SHQ1: variants seen among roughly 807,000 people sequenced by gnomAD.
The protein encoded by SHQ1 is SHQ1, H/ACA ribonucleoprotein assembly factor.
In SHQ1, 49 loss-of-function variants were observed where a neutral mutation model predicts 53.8. The observed-to-expected ratio is 0.91, with a 90% CI of 0.72 to 1.16. The LOEUF (loss-of-function observed/expected upper bound fraction) is 1.16, where lower values mean the gene tolerates loss of function less well. Ranked by LOEUF, SHQ1 falls within the 50% of genes most tolerant of loss-of-function variation. The pLI is 0.00. For synonymous variants in SHQ1, 243 were observed against 251.0 expected (o/e 0.97, Z 0.30); for missense variants, 738 against 683.1 (o/e 1.08, Z -0.90).
intron 10 of SHQ1, among the ~76,000 whole-genome samples, chr3:72,778,153 A>G (rs896461782): frequency 6.6e-6 from 1 of 152,168 alleles, no homozygotes; most frequent in Non-Finnish European, 1.5e-5. Flanking sequence ...GTGATATTCT[A>G]TTTCTTAAGA....
At position 72,822,333 on chromosome 3, in the gene SHQ1, C is replaced by T. The variant is rs1707501459; in HGVS notation, c.727+2091G>A. Among the ~76,000 whole-genome samples, 3 of 152,130 alleles carry T rather than the reference C, an allele frequency of 2.0e-5. 1 individual carries two copies. Among genetic ancestry groups the T allele is most frequent in the South Asian group, 4.1e-4 (2 of 4,832 alleles). ...TTGCAGACTATGACTGTTCCTGATGCACCAGCCTGGCTATCAGTCATGGGT... is the reference window on the plus strand; with the variant it reads ...TTGCAGACTATGACTGTTCCTGATGTACCAGCCTGGCTATCAGTCATGGGT... On this transcript the variant is annotated intron_variant, in intron 6 of 10. Transcript: ENST00000325599.
intron 10 of SHQ1, among the ~76,000 whole-genome samples, chr3:72,783,759 G>C (rs967596745): frequency 3.3e-5 from 5 of 152,106 alleles, no homozygotes; most frequent in Non-Finnish European, 5.9e-5. Context: ...GATTCATGAT[G>C]ATTAGAATGT....
At chr3:72,769,128 G>A (rs1460505867) in intron 10 of SHQ1, among the ~76,000 whole-genome samples, 1 of 152,214 alleles carries the variant, frequency 6.6e-6, no homozygotes, top group African/African-American at 2.4e-5. Context: ...AACAGATGGA[G>A]TCTAGCAGGC....
At chr3:72,769,325 C>A (rs187465238) in intron 10 of SHQ1, among the ~76,000 whole-genome samples, 51 of 152,306 alleles carry the variant, frequency 3.3e-4, no homozygotes, top group African/African-American at 1.2e-3. Context: ...TGTTGACAAC[C>A]AATTTAAAGT....
intron 5 of SHQ1, among the ~76,000 whole-genome samples, chr3:72,826,433 G>A (rs542437364): frequency 6.6e-6 from 1 of 152,270 alleles, no homozygotes; most frequent in Admixed American, 6.5e-5. Context: ...ACAATAAATG[G>A]CTAAAATGCT....
At chr3:72,762,104 C>T (rs1705623307) in intron 10 of SHQ1, among the ~76,000 whole-genome samples, 1 of 152,162 alleles carries the variant, frequency 6.6e-6, no homozygotes, top group Non-Finnish European at 1.5e-5. Context: ...CATGTGCACA[C>T]ACATGCCTAT....
At chr3:72,828,727 G>C (rs941388643) in intron 5 of SHQ1, among the ~76,000 whole-genome samples, 9 of 152,102 alleles carry the variant, frequency 5.9e-5, no homozygotes, top group African/African-American at 2.2e-4. Flanking sequence ...GTGTGGTATA[G>C]GTGGGGAAAT....
intron 2 of SHQ1, among the ~76,000 whole-genome samples, 184 bp downstream of exon 2, chr3:72,844,175 A>C (rs1416230857): frequency 6.6e-6 from 1 of 152,188 alleles, no homozygotes; most frequent in African/African-American, 2.4e-5. Flanking sequence ...AAATACTTTA[A>C]AAGACTTGTG....
intron 10 of SHQ1, chr3:72,773,320 A>C (rs1233005208): frequency 1.0e-5 from 6 of 601,320 alleles, no homozygotes; most frequent in Admixed American, 4.2e-5. Flanking sequence ...CTCCAAAGAC[A>C]AGAAGGAAAA....
chr3:72,809,005 C>T (rs1321032730), intron 9 of SHQ1, among the ~76,000 whole-genome samples: 1 of 152,112 alleles, frequency 6.6e-6, no homozygotes, highest in Non-Finnish European at 1.5e-5. Flanking sequence ...AGGTGCTTTT[C>T]TGTTACCTTA....
At chr3:72,826,733 G>T (rs1340365532) in intron 5 of SHQ1, among the ~76,000 whole-genome samples, 1 of 152,178 alleles carries the variant, frequency 6.6e-6, no homozygotes, top group Non-Finnish European at 1.5e-5. Flanking sequence ...AAGGGGGTGG[G>T]ACAGAGTATT....
intron 10 of SHQ1, among the ~76,000 whole-genome samples, chr3:72,764,230 T>C (rs1705669583): frequency 6.6e-6 from 1 of 151,912 alleles, no homozygotes; most frequent in South Asian, 2.1e-4. Flanking sequence ...GTAGAAGAGG[T>C]GGAGTGCAGT....
At chr3:72,836,169 T>C (rs1707985144) in intron 4 of SHQ1, among the ~76,000 whole-genome samples, 1 of 152,194 alleles carries the variant, frequency 6.6e-6, no homozygotes, top group South Asian at 2.1e-4. Context: ...GTCTCTACTC[T>C]CATGGGAAGG....
Position 72,750,715 on chromosome 3 carries a change from C to T in SHQ1, c.1303G>A (p.Ala435Thr). 3 of 1,570,102 alleles carry T rather than the reference C, an allele frequency of 1.9e-6. No homozygotes were observed. Among genetic ancestry groups the T allele is most frequent in the Non-Finnish European group, 2.6e-6 (3 of 1,156,488 alleles). Reference protein sequence around the residue: ...AALLVQEEETALKAAHSVSGQ... With the variant: ...AALLVQEEETTLKAAHSVSGQ... ...GAAACTGAATGGGCTGCTTTTAATGCAGTTTCTTCCTCCTGGACAAGCAGT... is the reference window on the plus strand; with the variant it reads ...GAAACTGAATGGGCTGCTTTTAATGTAGTTTCTTCCTCCTGGACAAGCAGT... The change falls in exon 11 of 11, where the codon GCA (alanine) becomes ACA (threonine). Residue 435 changes from alanine (A) to threonine (T), a missense_variant. By Grantham distance (58) the Ala-to-Thr change is moderately conservative. Coordinates refer to ENST00000325599, the MANE Select transcript of SHQ1 (RefSeq NM_018130.3).
chr3:72,800,403 T>A (rs1361342614), intron 9 of SHQ1, among the ~76,000 whole-genome samples: 1 of 152,218 alleles, frequency 6.6e-6, no homozygotes, highest in East Asian at 1.9e-4. Context: ...AGTTAGGTAC[T>A]TTCTTCCTTG....
chr3:72,743,302 G>A, the SHQ1 span, among the ~76,000 whole-genome samples: 1 of 152,190 alleles, frequency 6.6e-6, no homozygotes, highest in Non-Finnish European at 1.5e-5. Context: ...TGTCCACCAT[G>A]TCCAGGGGCA....
rs576929490 is a variant in SHQ1 at position 72,804,897 on chromosome 3, T to C, written c.1060+7774A>G. 1.1e-4 allele frequency among the ~76,000 whole-genome samples: 16 copies of C among 152,304 alleles called. 1 individual carries two copies. In the South Asian group the frequency reaches 2.5e-3, roughly 24 times the overall value. On this transcript the variant is annotated intron_variant, in intron 9 of 10. Coordinates refer to ENST00000325599, the MANE Select transcript of SHQ1 (RefSeq NM_018130.3). ...ACTCTAAATTACCTAAATATATACATAATCAGGTGTTGCTTAATGATTTGG... is the reference window on the plus strand; with the variant it reads ...ACTCTAAATTACCTAAATATATACACAATCAGGTGTTGCTTAATGATTTGG...
At chr3:72,747,853 G>A (rs1455646964), downstream of SHQ1, among the ~76,000 whole-genome samples, 1 of 151,960 alleles carries the variant, frequency 6.6e-6, no homozygotes, top group Non-Finnish European at 1.5e-5. Flanking sequence ...GCCAGGTGTG[G>A]TGGTGCATGC....
chr3:72,818,879 A>G (rs1488047815), intron 6 of SHQ1, among the ~76,000 whole-genome samples: 1 of 152,220 alleles, frequency 6.6e-6, no homozygotes, highest in Non-Finnish European at 1.5e-5. Flanking sequence ...ACAGCCAGCA[A>G]CAAAGTAGGG....
Sources: allele counts gnomAD v4.1 joint callset (sites outside exome capture counted in the v4.1 genomes callset), GRCh38; gene constraint gnomAD v4.1.1; transcripts MANE v1.5; gene names NCBI Gene and HGNC (gene_info 2026-07-23, HGNC 2026-07-21).